Variants in EYS observed in about 807,000 individuals in gnomAD.
The protein encoded by EYS is EGF-like photoreceptor maintenance factor.
A neutral mutation model predicts 282.1 loss-of-function variants in EYS; 250 were observed. The ratio of observed to expected loss-of-function variants is 0.89; its 90% confidence interval spans 0.80 to 0.98. EYS has a LOEUF of 0.98. Ranked by LOEUF, EYS falls within the 50% of genes least tolerant of loss-of-function variation. The pLI is 0.00. For missense variants in EYS, 4,016 were observed against 3,709.0 expected, an observed-to-expected ratio of 1.08 and a Z score of -2.15; for synonymous variants, 1,355 against 1,282.9, an observed-to-expected ratio of 1.06 and a Z score of -1.20.
In EYS at chr6:65,405,291, A is replaced by G; in HGVS notation, c.939T>C (p.Ser313=). 2 of 1,613,222 alleles carry G rather than the reference A, an allele frequency of 1.2e-6. No homozygotes were observed. The highest frequency in any genetic ancestry group is 1.7e-6 in the Non-Finnish European group (2 of 1,179,476). ...FWKRGICPNS[S]SAYTYECPKG... ...TTGGGCATTCATAAGTATAAGCAGA[A>G]CTGCTATTTGGGCAAATTCCTCTTT... Residue 313 remains serine, a synonymous_variant, in exon 6 of 43, where the codon AGT becomes AGC. Transcript: ENST00000503581.
At chr6:65,446,203 T>C (rs1768650798) in intron 5 of EYS, among the ~76,000 whole-genome samples, 1 of 151,792 alleles carries the variant, frequency 6.6e-6, no homozygotes, top group Non-Finnish European at 1.5e-5. Context: ...TACATCAATA[T>C]TGAGTAATAA....
At chr6:63,774,712 A>G (rs1302017424) in intron 40 of EYS, among the ~76,000 whole-genome samples, 1 of 152,186 alleles carries the variant, frequency 6.6e-6, no homozygotes, top group African/African-American at 2.4e-5. Context: ...TGATAAATAT[A>G]TCCAATTTTT....
intron 12 of EYS, among the ~76,000 whole-genome samples, chr6:65,190,476 C>A (rs1026328810): frequency 6.6e-6 from 1 of 151,252 alleles, no homozygotes; most frequent in Admixed American, 6.6e-5. Flanking sequence ...ATTTTCATGA[C>A]CCCTAAGTGC....
intron 41 of EYS, among the ~76,000 whole-genome samples, chr6:63,737,531 A>C (rs1768950106): frequency 6.6e-6 from 1 of 152,092 alleles, no homozygotes. Flanking sequence ...TTCGTCAAGG[A>C]TATTGGTCTA....
chr6:64,515,181 G>A (rs1324392544), intron 26 of EYS, among the ~76,000 whole-genome samples: 3 of 151,572 alleles, frequency 2.0e-5, no homozygotes, highest in Admixed American at 1.3e-4. Context: ...TGTACATTTT[G>A]TAATAATATA....
At chr6:65,264,887 ATATCT>A (rs1349481809) in intron 12 of EYS, among the ~76,000 whole-genome samples, 1 of 151,460 alleles carries the variant, frequency 6.6e-6, no homozygotes, top group Non-Finnish European at 1.5e-5. Flanking sequence ...CTGTGTAGAT[ATATCT>A]TATTCTATTT....
At chr6:65,558,570 C>G (rs1768908861) in intron 2 of EYS, among the ~76,000 whole-genome samples, 1 of 152,214 alleles carries the variant, frequency 6.6e-6, no homozygotes, top group South Asian at 2.1e-4. Flanking sequence ...TTGCACATCC[C>G]CAGTCAAGCC....
chr6:65,028,417 T>C (rs578159398), intron 13 of EYS, among the ~76,000 whole-genome samples: 5 of 152,056 alleles, frequency 3.3e-5, no homozygotes, highest in African/African-American at 1.2e-4. Flanking sequence ...TACTGCAGTA[T>C]GTGTTTTCTA....
At position 64,949,834 on chromosome 6, in the gene EYS, G is replaced by C. The variant is rs1038395465; in HGVS notation, c.2260-3920C>G. 2.6e-5 allele frequency among the ~76,000 whole-genome samples: 4 copies of C among 151,810 alleles called. 1 individual carries two copies. In the Admixed American group the frequency reaches 2.6e-4, roughly 10 times the overall value. On this transcript the variant is annotated intron_variant, in intron 14 of 42. Transcript: ENST00000503581. ...CTCCAAGCCTCAGGTGCCTTCATAT[G>C]TAAAGTACTAACAATTTATACTTCA...
At chr6:64,976,620 T>A (rs1225523525) in intron 14 of EYS, among the ~76,000 whole-genome samples, 1 of 151,952 alleles carries the variant, frequency 6.6e-6, no homozygotes, top group Non-Finnish European at 1.5e-5. Flanking sequence ...CTTGAAATGC[T>A]CCACCTACTA....
intron 26 of EYS, among the ~76,000 whole-genome samples, chr6:64,468,703 T>C (rs60845963): frequency 0.052 from 7,879 of 152,286 alleles, 685 homozygotes; most frequent in African/African-American, 0.18. Context: ...CCTTTCTTTG[T>C]GTCCAAATGT....
intron 34 of EYS, among the ~76,000 whole-genome samples, chr6:63,986,710 C>A (rs9294359): frequency 0.025 from 3,781 of 151,692 alleles, 125 homozygotes; most frequent in African/African-American, 0.078. Flanking sequence ...TCTCACTTAT[C>A]AGTGGGAGCT....
chr6:64,259,460 G>A (rs1296260410), intron 30 of EYS, among the ~76,000 whole-genome samples: 4 of 151,844 alleles, frequency 2.6e-5, no homozygotes, highest in African/African-American at 7.3e-5. Context: ...CACAACCCAA[G>A]AATATCTTTT....
Position 65,696,961 on chromosome 6 carries a change from G to A in EYS, c.-448+10174C>T, listed in dbSNP as rs567347295. On this transcript the variant is annotated intron_variant, in intron 1 of 42. Transcript: ENST00000503581. ...TTTAAAATACACCATATTGAATTCT[G>A]TAAGCTTAGTCTGGTTTTTGTTAGG... Among the ~76,000 whole-genome samples the A allele has an allele frequency of 1.3e-3, 200 of 152,052 alleles. 1 individual carries two copies. Among genetic ancestry groups the A allele is most frequent in the African/African-American group, 4.6e-3 (192 of 41,538 alleles).
chr6:65,074,333 A>G (rs1426712662), intron 12 of EYS, among the ~76,000 whole-genome samples: 2 of 151,934 alleles, frequency 1.3e-5, no homozygotes, highest in Non-Finnish European at 2.9e-5. Context: ...TCTCACCTGC[A>G]CTGCATCTCC....
chr6:65,447,523 T>C (rs560676176), intron 5 of EYS, among the ~76,000 whole-genome samples: 1 of 151,784 alleles, frequency 6.6e-6, no homozygotes, highest in South Asian at 2.1e-4. Flanking sequence ...TGTATTTCTA[T>C]GTATTTATTT....
intron 31 of EYS, among the ~76,000 whole-genome samples, chr6:64,135,274 G>A (rs188141411): frequency 6.6e-6 from 1 of 152,102 alleles, no homozygotes; most frequent in East Asian, 1.9e-4. Flanking sequence ...CAGTATGGGA[G>A]ATCCTCAAGA....
chr6:65,528,622 T>G (rs775561636), intron 2 of EYS, among the ~76,000 whole-genome samples: 16 of 152,316 alleles, frequency 1.1e-4, no homozygotes, highest in Non-Finnish European at 2.1e-4. Context: ...CAAATTCCAG[T>G]GTCTTGATAT....
intron 37 of EYS, among the ~76,000 whole-genome samples, chr6:63,799,022 A>ATATATATATATAAT (rs1770720007): frequency 1.4e-5 from 1 of 69,572 alleles, no homozygotes; most frequent in African/African-American, 5.7e-5. Flanking sequence ...TATATATATA[A>ATATATATATATAAT]TTTTTTTTTT....
Sources: allele counts gnomAD v4.1 joint callset (sites outside exome capture counted in the v4.1 genomes callset), GRCh38; gene constraint gnomAD v4.1.1; transcripts MANE v1.5; gene names NCBI Gene and HGNC (gene_info 2026-07-23, HGNC 2026-07-21).